The following EPHB1 variants were observed in gnomAD, a reference collection of about 807,000 sequenced individuals.
EPHB1 encodes the protein ephrin type-B receptor 1.
In EPHB1, 30 loss-of-function variants were observed where a neutral mutation model predicts 94.4. The observed-to-expected ratio is 0.32, with a 90% CI of 0.24 to 0.43. The LOEUF is 0.43. Among genes scored for constraint, EPHB1 ranks in the 20% least tolerant of loss-of-function variants. The probability of loss-of-function intolerance (pLI) is 1.00; values close to 1 mark genes in which losing one functional copy is unlikely to be tolerated. For synonymous variants in EPHB1, 522 were observed against 489.1 expected, an observed-to-expected ratio of 1.07 and a Z score of -0.89; for missense variants, 1,055 against 1,308.3, an observed-to-expected ratio of 0.81 and a Z score of 2.99.
chr3:135,176,814 T>C (rs980328001), intron 9 of EPHB1, among the ~76,000 whole-genome samples: 5 of 152,228 alleles, frequency 3.3e-5, no homozygotes, highest in Non-Finnish European at 7.3e-5. Context: ...AACCATTCAT[T>C]ACCGCATATT....
chr3:134,975,703 G>A (rs1454856672), intron 3 of EPHB1, among the ~76,000 whole-genome samples: 1 of 152,088 alleles, frequency 6.6e-6, no homozygotes, highest in Non-Finnish European at 1.5e-5. Flanking sequence ...TATAGGCATA[G>A]GTTAAAGTTA....
chr3:135,252,218 ATTT>A (rs1213860871), intron 15 of EPHB1, among the ~76,000 whole-genome samples: 2 of 150,624 alleles, frequency 1.3e-5, no homozygotes, highest in East Asian at 2.0e-4. Flanking sequence ...TTTTTTATTT[ATTT>A]TTTATTATTA....
At chr3:134,923,528 G>A (rs1226958941) in intron 1 of EPHB1, among the ~76,000 whole-genome samples, 2 of 152,100 alleles carry the variant, frequency 1.3e-5, no homozygotes, top group Non-Finnish European at 2.9e-5. Flanking sequence ...TAGTCTGGTG[G>A]GGCCATTGGC....
At position 134,983,419 on chromosome 3, in the gene EPHB1, C is replaced by T. The variant is rs569637238; in HGVS notation, c.805+31367C>T. Among the ~76,000 whole-genome samples, 21 of 152,366 alleles carry T rather than the reference C, an allele frequency of 1.4e-4. No homozygotes were observed. In the South Asian group the frequency reaches 3.3e-3, roughly 24 times the overall value. ...AATTACAGGTGTAAAATATTCACCT[C>T]TTCAGTTCTCATCATGGCTCAGTGG... On this transcript the variant is annotated intron_variant, in intron 3 of 15. Transcript: ENST00000398015.
intron 12 of EPHB1, among the ~76,000 whole-genome samples, chr3:135,202,983 A>C (rs558641612): frequency 1.3e-5 from 2 of 152,238 alleles, no homozygotes; most frequent in African/African-American, 4.8e-5. Context: ...ATGCCCATCA[A>C]TGATAGACTG....
At chr3:135,061,019 T>A (rs1937485824) in intron 3 of EPHB1, among the ~76,000 whole-genome samples, 1 of 152,120 alleles carries the variant, frequency 6.6e-6, no homozygotes, top group Admixed American at 6.6e-5. Context: ...TGTTTTTAGA[T>A]CCCCAAATAA....
chr3:134,831,369 T>C (rs1199806412), intron 1 of EPHB1, among the ~76,000 whole-genome samples: 1 of 152,220 alleles, frequency 6.6e-6, no homozygotes, highest in Non-Finnish European at 1.5e-5. Context: ...ATCCCACAGC[T>C]GGGCAGACTT....
intron 3 of EPHB1, among the ~76,000 whole-genome samples, chr3:135,092,336 G>C (rs1347056599): frequency 6.6e-6 from 1 of 152,086 alleles, no homozygotes; most frequent in Non-Finnish European, 1.5e-5. Context: ...GGTGCCAGGG[G>C]CCCCGTGAAG....
chr3:135,076,262 A>ATATATATAT (rs1559820194), intron 3 of EPHB1, among the ~76,000 whole-genome samples: 3 of 68,912 alleles, frequency 4.4e-5, no homozygotes, highest in African/African-American at 3.2e-4. Context: ...TATATATATA[A>ATATATATAT]CTCTTAAATG....
chr3:134,978,977 C>T lies in EPHB1; in HGVS notation c.805+26925C>T, dbSNP rs146184015. Reference sequence around the variant, plus strand: ...GTTTTCTCCTCCATGATGTTGTCCTCATGGAGGGTGGGGCCAGGGGCCTTG... The same window carrying T: ...GTTTTCTCCTCCATGATGTTGTCCTTATGGAGGGTGGGGCCAGGGGCCTTG... On this transcript the variant is annotated intron_variant, in intron 3 of 15. Transcript: ENST00000398015. 1.2e-3 allele frequency among the ~76,000 whole-genome samples: 190 copies of T among 152,320 alleles called. 1 individual carries two copies. The highest frequency in any genetic ancestry group is 4.4e-3 in the African/African-American group (183 of 41,570).
intron 3 of EPHB1, among the ~76,000 whole-genome samples, chr3:135,049,321 C>G (rs1465756897): frequency 6.6e-6 from 1 of 152,156 alleles, no homozygotes; most frequent in Non-Finnish European, 1.5e-5. Flanking sequence ...TGAGAGTTTG[C>G]TGGGCTCAGC....
chr3:134,804,523 G>A (rs2035999092), intron 1 of EPHB1, among the ~76,000 whole-genome samples: 1 of 152,152 alleles, frequency 6.6e-6, no homozygotes, highest in African/African-American at 2.4e-5. Context: ...GATGGTTGCA[G>A]TTGGCATCTG....
chr3:134,846,156 C>G (rs1371025579), intron 1 of EPHB1, among the ~76,000 whole-genome samples: 1 of 152,174 alleles, frequency 6.6e-6, no homozygotes, highest in African/African-American at 2.4e-5. Flanking sequence ...GAGTGAGGAA[C>G]AGTACACAAG....
At chr3:135,085,667 C>A (rs1326586114) in intron 3 of EPHB1, among the ~76,000 whole-genome samples, 5 of 152,190 alleles carry the variant, frequency 3.3e-5, no homozygotes, top group African/African-American at 1.2e-4. Context: ...CAGCATTGCC[C>A]AGTGTTCCTC....
At chr3:134,876,559 G>A (rs1330823761) in intron 1 of EPHB1, among the ~76,000 whole-genome samples, 2 of 152,292 alleles carry the variant, frequency 1.3e-5, no homozygotes, top group East Asian at 3.9e-4. Context: ...TAAGGCAGTG[G>A]CAAAGACAGC....
chr3:134,886,765 G>GT lies in EPHB1; in HGVS notation c.59-39041dup, dbSNP rs564173077. Among the ~76,000 whole-genome samples, 1,387 of 149,468 alleles carry GT rather than the reference G, an allele frequency of 9.3e-3. 12 individuals carry two copies. The highest frequency in any genetic ancestry group is 0.026 in the African/African-American group (1,079 of 40,788). On this transcript the variant is annotated intron_variant, in intron 1 of 15. Transcript: ENST00000398015. The stretch of plus-strand genomic sequence containing the variant: ...CCTAGGTTGGCACATTAATTATCCT[G>GT]TTTTTTTTTTAAATAGGTGAGGAAA...
chr3:135,048,221 ACT>A (rs1491147807), intron 3 of EPHB1, among the ~76,000 whole-genome samples: 9 of 54,676 alleles, frequency 1.6e-4, no homozygotes, highest in East Asian at 6.9e-4. Context: ...TAAAAAAAAT[ACT>A]CTTTTTTTTT....
rs114192060 is a variant in EPHB1 at position 134,962,864 on chromosome 3, C to T, written c.805+10812C>T. ...CACCCCTTCCCCAGCAGCCCCAAAT[C>T]AGTCTCATCCCCTTCCCTGACCAGG... is the stretch of plus-strand genomic sequence containing the variant. On this transcript the variant is annotated intron_variant, in intron 3 of 15. Coordinates refer to ENST00000398015, the MANE Select transcript of EPHB1 (RefSeq NM_004441.5). 6.4e-3 allele frequency among the ~76,000 whole-genome samples: 981 copies of T among 152,184 alleles called. 8 individuals are homozygous for T. The highest frequency in any genetic ancestry group is 0.022 in the African/African-American group (927 of 41,492).
intron 6 of EPHB1, among the ~76,000 whole-genome samples, chr3:135,159,374 A>G (rs1941448420): frequency 6.6e-6 from 1 of 152,256 alleles, no homozygotes; most frequent in African/African-American, 2.4e-5. Context: ...TGATGTATTA[A>G]AACAGTTTTT....
Sources: allele counts gnomAD v4.1 joint callset (sites outside exome capture counted in the v4.1 genomes callset), GRCh38; gene constraint gnomAD v4.1.1; transcripts MANE v1.5; gene names NCBI Gene and HGNC (gene_info 2026-07-23, HGNC 2026-07-21).